Variants in BDP1 observed in about 807,000 individuals in gnomAD.
The protein encoded by BDP1 is transcription factor TFIIIB component B'' homolog.
In BDP1, 169 loss-of-function variants were observed where a neutral mutation model predicts 266.6. That is an observed-to-expected ratio of 0.63 (90% CI 0.56 to 0.72). The LOEUF (loss-of-function observed/expected upper bound fraction) is 0.72, where lower values mean the gene tolerates loss of function less well. Among genes scored for constraint, BDP1 ranks in the 30% least tolerant of loss-of-function variants. The pLI is 0.00. For missense variants in BDP1, 3,015 were observed against 3,053.8 expected, an observed-to-expected ratio of 0.99 and a Z score of 0.30; for synonymous variants, 1,090 against 1,022.4, an observed-to-expected ratio of 1.07 and a Z score of -1.26.
chr5:71,518,479 C>T (rs1765335314), intron 22 of BDP1, among the ~76,000 whole-genome samples: 1 of 152,138 alleles, frequency 6.6e-6, no homozygotes, highest in African/African-American at 2.4e-5. Context: ...GACAAGGTGT[C>T]TCACTGTGTC....
At chr5:71,537,804 C>T (rs970864127) in intron 26 of BDP1, 1 of 164,680 alleles carries the variant, frequency 6.1e-6, no homozygotes, top group East Asian at 1.9e-4. Context: ...GGGCTCTTTC[C>T]TTCACCGCCC....
intron 35 of BDP1, among the ~76,000 whole-genome samples, chr5:71,554,469 T>G (rs1743081709): frequency 6.6e-6 from 1 of 152,240 alleles, no homozygotes; most frequent in African/African-American, 2.4e-5. Flanking sequence ...TATGAACATT[T>G]CCAGACATAT....
In BDP1 at chr5:71,464,065, C is replaced by G. The variant is rs1236013184; in HGVS notation, c.607C>G (p.Leu203Val). The G allele has an allele frequency of 1.9e-6, 3 of 1,562,734 alleles. No homozygotes were observed. The highest frequency in any genetic ancestry group is 2.6e-6 in the Non-Finnish European group (3 of 1,147,578). Residue 203 changes from leucine to valine, a missense_variant, in exon 4 of 39, where the codon CTG (leucine) becomes GTG (valine). Physicochemically the swap from Leu to Val is conservative, Grantham distance 32. Transcript: ENST00000358731. ...LPDNNPMTSS[L>V]EQEKKTEKPS... ...GTTATTTATGTTCAATAGTTCTTCA[C>G]TGGAACAAGAAAAGAAAACTGAAAA... is the stretch of plus-strand genomic sequence containing the variant.
chr5:71,546,617 CAAAAAAAA>C (rs70992980), intron 32 of BDP1, among the ~76,000 whole-genome samples: 6 of 57,770 alleles, frequency 1.0e-4, no homozygotes, highest in Admixed American at 3.1e-4. Context: ...GACTCTGTCT[CAAAAAAAA>C]AAAAAAAAAA....
downstream of BDP1, among the ~76,000 whole-genome samples, chr5:71,570,646 A>G (rs1269778233): frequency 6.6e-6 from 1 of 152,274 alleles, no homozygotes; most frequent in Non-Finnish European, 1.5e-5. Context: ...TATTACAGTA[A>G]TTGTGCCTAC....
At chr5:71,480,393 C>G (rs1375367653) in intron 7 of BDP1, among the ~76,000 whole-genome samples, 1 of 148,868 alleles carries the variant, frequency 6.7e-6, no homozygotes, top group Non-Finnish European at 1.5e-5. Flanking sequence ...CTTGGCCTCC[C>G]AAAGTGCTGG....
Position 71,491,033 on chromosome 5 carries a change from G to C in BDP1, c.1542G>C (p.Lys514Asn). ...AGCTAAAGGAAGGTGAATGCAGTAAGGAGCAGATGCTTTCCTGCACACAAA... is the reference window on the plus strand; with the variant it reads ...AGCTAAAGGAAGGTGAATGCAGTAACGAGCAGATGCTTTCCTGCACACAAA... ...RPELKEGECS[K>N]EQMLSCTQNI... is the part of the protein sequence containing the mutation. Residue 514 changes from lysine (K) to asparagine (N), a missense_variant, in exon 11 of 39, where the codon AAG (lysine) becomes AAC (asparagine). Around this residue, in one of 3 missense-constraint regions of BDP1, gnomAD observed 2,383 missense variants for 2,404.9 expected, o/e 0.99. Coordinates refer to ENST00000358731, the MANE Select transcript of BDP1 (RefSeq NM_018429.3). 2 of 1,613,820 alleles carry C rather than the reference G, an allele frequency of 1.2e-6. No individual in the cohort carries two copies. Among genetic ancestry groups the C allele is most frequent in the Non-Finnish European group, 1.7e-6 (2 of 1,179,766 alleles).
At chr5:71,553,817 T>G (rs1224339416) in intron 35 of BDP1, among the ~76,000 whole-genome samples, 1 of 152,220 alleles carries the variant, frequency 6.6e-6, no homozygotes, top group Non-Finnish European at 1.5e-5. Context: ...TGCCAGCTTC[T>G]GCCTCACTTT....
At position 71,549,549 on chromosome 5, in the gene BDP1, T is replaced by A. The variant is rs1315490135; in HGVS notation, c.6938T>A (p.Leu2313Ter). 1 of 1,613,660 alleles carries A rather than the reference T, an allele frequency of 6.2e-7. No individual in the cohort carries two copies. Among genetic ancestry groups the A allele is most frequent in the East Asian group, 2.2e-5 (1 of 44,856 alleles). Residue 2313 changes from leucine to a stop codon, truncating the protein, a stop_gained, in exon 34 of 39, where the codon TTA (leucine) becomes TAA (stop). Transcript: ENST00000358731. LOFTEE classifies it high-confidence loss of function. ...ACTGCACAGTTCATGCCAAACCCTT[T>A]ACTGCCAGCTCCCATATTGGTCAAA... ...DATAQFMPNP[L>*]LPAPILVKSV...
Position 71,501,599 on chromosome 5 carries a change from T to C in BDP1, c.1994T>C (p.Ile665Thr), listed in dbSNP as rs200201759. Residue 665 changes from isoleucine (I) to threonine (T), a missense_variant, in exon 14 of 39, where the codon ATT (isoleucine) becomes ACT (threonine). Transcript: ENST00000358731. ...VEKDKMNTLD[I>T]LRMETTEREN... Reference sequence around the variant, plus strand: ...AAAGATAAAATGAATACATTGGACATTTTGAGAATGGAGACTACAGAGAGA... The same window carrying C: ...AAAGATAAAATGAATACATTGGACACTTTGAGAATGGAGACTACAGAGAGA... 9.2e-5 allele frequency: 148 copies of C among 1,607,860 alleles called. No individual in the cohort carries two copies. The African/African-American group carries it at 1.5e-3, about 16-fold the overall frequency.
Position 71,566,808 on chromosome 5 carries a change from G to C in BDP1, c.*1923G>C, listed in dbSNP as rs1292333874. 2.0e-5 allele frequency: 3 copies of C among 152,138 alleles called. No individual in the cohort carries two copies. Among genetic ancestry groups the C allele is most frequent in the Non-Finnish European group, 4.4e-5 (3 of 68,020 alleles). 9.4% of individuals were successfully genotyped at this position (152,138 alleles called of 1,614,324 possible). ...TGCCTAAAAGTTAAAACTGTTGACT[G>C]TATTATGTAATGATCAGTATTTCAG... On this transcript the variant is annotated 3_prime_UTR_variant, in exon 39 of 39. Transcript: ENST00000358731.
At chr5:71,564,711 G>T in intron 38 of BDP1, 43 bp from the exon 39 acceptor site, 1 of 1,500,456 alleles carries the variant, frequency 6.7e-7, no homozygotes, top group Non-Finnish European at 9.1e-7. Flanking sequence ...TATAAATGTT[G>T]TATTACAGTT....
intron 22 of BDP1, 78 bp from the exon 23 acceptor site, chr5:71,522,211 A>G: frequency 3.7e-6 from 4 of 1,093,876 alleles, no homozygotes; most frequent in Non-Finnish European, 5.4e-6. Context: ...TGTATCCAAA[A>G]TTGTTTGATG....
chr5:71,546,298 T>C (rs769855072), intron 32 of BDP1, among the ~76,000 whole-genome samples: 1 of 152,146 alleles, frequency 6.6e-6, no homozygotes, highest in Non-Finnish European at 1.5e-5. Flanking sequence ...ATTTGTTTTT[T>C]TACTCTGTCT....
At chr5:71,464,236 C>T (rs1761757349) in intron 4 of BDP1, 119 bp downstream of exon 4, 1 of 639,234 alleles carries the variant, frequency 1.6e-6, no homozygotes. Context: ...TGGTTCACTC[C>T]TGTAATCTCA....
chr5:71,525,481 G>A (rs1417063821), intron 25 of BDP1, among the ~76,000 whole-genome samples: 6 of 133,840 alleles, frequency 4.5e-5, no homozygotes, highest in African/African-American at 1.4e-4. Flanking sequence ...GCGGCTGGCC[G>A]GGCGGGGGGC....
At chr5:71,489,309 A>G (rs971775320) in intron 9 of BDP1, 95 bp from the exon 10 acceptor site, 3 of 844,748 alleles carry the variant, frequency 3.6e-6, no homozygotes, top group Admixed American at 6.2e-5. Context: ...TCATACAAAT[A>G]AATAATACAG....
At chr5:71,518,663 A>G (rs1185077875) in intron 22 of BDP1, among the ~76,000 whole-genome samples, 1 of 152,010 alleles carries the variant, frequency 6.6e-6, no homozygotes, top group African/African-American at 2.4e-5. Flanking sequence ...CATGTTGCCC[A>G]GGCTGGTCCT....
chr5:71,513,467 G>A, intron 19 of BDP1, 60 bp downstream of exon 19: 2 of 1,020,612 alleles, frequency 2.0e-6, no homozygotes, highest in Admixed American at 2.5e-5. Flanking sequence ...TAAGTTATTA[G>A]GACTACTAAA....
Sources: allele counts gnomAD v4.1 joint callset (sites outside exome capture counted in the v4.1 genomes callset), GRCh38; gene constraint gnomAD v4.1.1; regional missense constraint gnomAD v4.1.1; transcripts MANE v1.5; gene names NCBI Gene and HGNC (gene_info 2026-07-23, HGNC 2026-07-21).